Variants in ASTN2 observed in about 807,000 individuals in gnomAD.
The protein encoded by ASTN2 is astrotactin-2.
A neutral mutation model predicts 139.8 loss-of-function variants in ASTN2; 54 were observed. That is an observed-to-expected ratio of 0.39 (90% CI 0.31 to 0.48). The LOEUF (loss-of-function observed/expected upper bound fraction) is 0.48. Ranked by LOEUF, ASTN2 falls within the 20% of genes least tolerant of loss-of-function variation. ASTN2 has a pLI of 0.95. For synonymous variants in ASTN2, 756 were observed against 719.5 expected (o/e 1.05, Z -0.81); for missense variants, 1,565 against 1,725.1 (o/e 0.91, Z 1.64).
chr9:117,140,467 G>C (rs1449808770), intron 4 of ASTN2, among the ~76,000 whole-genome samples: 1 of 152,078 alleles, frequency 6.6e-6, no homozygotes, highest in Non-Finnish European at 1.5e-5. Flanking sequence ...AAAAAAAATG[G>C]TTTGGAAATT....
chr9:116,549,191 AGAG>A (rs1161631275), intron 19 of ASTN2, among the ~76,000 whole-genome samples: 1 of 151,620 alleles, frequency 6.6e-6, no homozygotes. Flanking sequence ...TAAAAAGATC[AGAG>A]GAGGAGGAGG....
chr9:117,333,539 T>A (rs1828783034), intron 1 of ASTN2, among the ~76,000 whole-genome samples: 1 of 152,184 alleles, frequency 6.6e-6, no homozygotes, highest in Non-Finnish European at 1.5e-5. Flanking sequence ...CCACAGTTAT[T>A]GCAGGGGGGG....
intron 1 of ASTN2, among the ~76,000 whole-genome samples, chr9:117,363,915 G>A (rs1166567151): frequency 6.6e-6 from 1 of 152,120 alleles, no homozygotes; most frequent in Non-Finnish European, 1.5e-5. Flanking sequence ...AATTCTTTAT[G>A]GAATCTCAGT....
At chr9:116,443,143 G>A (rs1847888667) in intron 20 of ASTN2, among the ~76,000 whole-genome samples, 1 of 152,144 alleles carries the variant, frequency 6.6e-6, no homozygotes, top group Admixed American at 6.5e-5. Context: ...GGGGAGTATG[G>A]GCTTTGGGAT....
intron 1 of ASTN2, among the ~76,000 whole-genome samples, chr9:117,305,033 C>A (rs971433212): frequency 1.3e-5 from 2 of 152,204 alleles, no homozygotes; most frequent in African/African-American, 4.8e-5. Context: ...GGGTCAGACA[C>A]GAGAAGTCCT....
At chr9:117,390,813 T>A (rs772060227) in intron 1 of ASTN2, among the ~76,000 whole-genome samples, 13 of 152,188 alleles carry the variant, frequency 8.5e-5, no homozygotes, top group Admixed American at 2.6e-4. Context: ...CTATAAACAT[T>A]CATGGTGGAC....
chr9:116,522,268 T>A (rs1422085724), intron 19 of ASTN2, among the ~76,000 whole-genome samples: 1 of 152,110 alleles, frequency 6.6e-6, no homozygotes, highest in Non-Finnish European at 1.5e-5. Flanking sequence ...CCAGCCCAAA[T>A]ACCCATCAAT....
intron 4 of ASTN2, among the ~76,000 whole-genome samples, chr9:117,124,983 A>G (rs1018873547): frequency 2.0e-5 from 3 of 152,204 alleles, no homozygotes; most frequent in Non-Finnish European, 2.9e-5. Flanking sequence ...TAGTAGGTGC[A>G]AAAATGTGTT....
At chr9:116,859,159 A>G (rs762446475) in intron 11 of ASTN2, among the ~76,000 whole-genome samples, 11 of 152,210 alleles carry the variant, frequency 7.2e-5, no homozygotes, top group East Asian at 1.9e-4. Flanking sequence ...CTGATAATTC[A>G]AGATATTCTC....
chr9:117,197,132 T>A (rs1433256426), intron 3 of ASTN2: 1 of 152,204 alleles, frequency 6.6e-6, no homozygotes, highest in South Asian at 2.1e-4. Flanking sequence ...GTGAGGGCAA[T>A]CTGGCTGTGA....
chr9:116,923,662 G>T (rs1336572616), intron 10 of ASTN2, among the ~76,000 whole-genome samples: 1 of 152,186 alleles, frequency 6.6e-6, no homozygotes, highest in Non-Finnish European at 1.5e-5. Context: ...ATGAGTGGTT[G>T]TTCTGCATTA....
chr9:116,956,750 G>A (rs545993608), intron 10 of ASTN2, among the ~76,000 whole-genome samples: 8 of 151,900 alleles, frequency 5.3e-5, no homozygotes, highest in African/African-American at 1.4e-4. Flanking sequence ...TGGGGTCAAC[G>A]TATAAAAGTC....
intron 10 of ASTN2, among the ~76,000 whole-genome samples, chr9:116,948,751 CAGAGAG>C (rs145595672): frequency 1.7e-5 from 2 of 117,598 alleles, no homozygotes; most frequent in South Asian, 5.4e-4. Flanking sequence ...AAAACAGAGA[CAGAGAG>C]AGAGAGAGAG....
intron 17 of ASTN2, among the ~76,000 whole-genome samples, chr9:116,633,269 G>T (rs1023192754): frequency 6.6e-6 from 1 of 152,192 alleles, no homozygotes; most frequent in African/African-American, 2.4e-5. Flanking sequence ...AAGGCATCTT[G>T]CTCTGTGACC....
At chr9:117,405,827 C>T (rs374548544) in intron 1 of ASTN2, among the ~76,000 whole-genome samples, 21 of 152,194 alleles carry the variant, frequency 1.4e-4, no homozygotes, top group African/African-American at 4.8e-4. Context: ...TTCCAAGCTG[C>T]TCAAGACAGA....
chr9:116,698,203 C>T lies in ASTN2; in HGVS notation c.2806+27568G>A, dbSNP rs781758209. On this transcript the variant is annotated intron_variant, in intron 16 of 22. Transcript: ENST00000313400. The surrounding 1 kb of genome is among the most constrained non-coding windows in gnomAD (Gnocchi z 4.4). ...CGTCGGGACTTTGGAGAGAAGTTAA[C>T]TCGTCTGCGGGAACTTATGGGGGAG... The T allele has an allele frequency of 6.2e-7, 1 of 1,614,146 alleles. No individual in the cohort carries two copies. Among genetic ancestry groups the T allele is most frequent in the South Asian group, 1.1e-5 (1 of 91,084 alleles).
At chr9:117,086,283 C>T (rs1437253741) in intron 5 of ASTN2, among the ~76,000 whole-genome samples, 1 of 152,138 alleles carries the variant, frequency 6.6e-6, no homozygotes, top group African/African-American at 2.4e-5. Flanking sequence ...AGGATTAAAA[C>T]TCAAGTCTTG....
intron 16 of ASTN2, chr9:116,686,915 A>AT (rs1860254273): frequency 3.3e-6 from 5 of 1,505,358 alleles, no homozygotes; most frequent in Non-Finnish European, 4.4e-6. Flanking sequence ...TGGAAGTTTG[A>AT]TTTTTCCGTT....
At chr9:116,564,248 C>T (rs1001434089) in intron 19 of ASTN2, among the ~76,000 whole-genome samples, 3 of 152,152 alleles carry the variant, frequency 2.0e-5, no homozygotes, top group Non-Finnish European at 4.4e-5. Flanking sequence ...TGTTAATGCA[C>T]TTCTCCCCTG....
Sources: gnomAD v4.1 joint callset for allele counts (sites outside exome capture counted in the v4.1 genomes callset) on GRCh38, gnomAD v4.1.1 for gene constraint, Gnocchi (gnomAD v3.1) non-coding constraint, MANE v1.5 for transcripts, NCBI Gene and HGNC (gene_info 2026-07-23, HGNC 2026-07-21) for gene names.